Variants in DAB1 observed in about 807,000 individuals in gnomAD.
DAB1 encodes disabled homolog 1.
In DAB1, 15 loss-of-function variants were observed where a neutral mutation model predicts 64.6. That is an observed-to-expected ratio of 0.23 (90% confidence interval 0.16 to 0.36). The LOEUF is 0.36. Ranked by LOEUF, DAB1 falls within the 10% of genes least tolerant of loss-of-function variation. The pLI, the probability that DAB1 is intolerant of heterozygous loss-of-function variation, is 1.00. For missense variants in DAB1, 596 were observed against 706.7 expected, an observed-to-expected ratio of 0.84 and a Z score of 1.78; for synonymous variants, 235 against 251.9, an observed-to-expected ratio of 0.93 and a Z score of 0.64.
intron 5 of DAB1, among the ~76,000 whole-genome samples, chr1:58,140,105 G>T (rs970392414): frequency 2.0e-5 from 3 of 152,080 alleles, no homozygotes; most frequent in African/African-American, 7.2e-5. Context: ...CAAATTGAGT[G>T]TCCTTTTTTC....
intron 4 of DAB1, among the ~76,000 whole-genome samples, chr1:57,096,145 A>C (rs1389621057): frequency 6.6e-6 from 1 of 152,130 alleles, no homozygotes; most frequent in Admixed American, 6.6e-5. Flanking sequence ...CGAAGCTGAG[A>C]GGGGTTGTCC....
intron 1 of DAB1, among the ~76,000 whole-genome samples, chr1:58,528,311 A>G (rs1363225184): frequency 6.6e-6 from 1 of 152,228 alleles, no homozygotes; most frequent in Non-Finnish European, 1.5e-5. Flanking sequence ...GTTAACCCTG[A>G]GCTAATTGTT....
intron 6 of DAB1, among the ~76,000 whole-genome samples, chr1:57,701,800 A>AT (rs1343027729): frequency 6.6e-6 from 1 of 151,780 alleles, no homozygotes; most frequent in Admixed American, 6.6e-5. Flanking sequence ...CCTCTAATAT[A>AT]TTTTTTCAGT....
At chr1:57,942,259 C>G (rs1482899555) in intron 5 of DAB1, among the ~76,000 whole-genome samples, 1 of 152,150 alleles carries the variant, frequency 6.6e-6, no homozygotes, top group Non-Finnish European at 1.5e-5. Flanking sequence ...TCAACCAACA[C>G]TGAGCAGCTG....
intron 1 of DAB1, among the ~76,000 whole-genome samples, chr1:57,389,814 C>A (rs1186440013): frequency 6.6e-6 from 1 of 152,086 alleles, no homozygotes; most frequent in Non-Finnish European, 1.5e-5. Context: ...AATTTAGATA[C>A]CTAACTCCCC....
At chr1:57,055,686 A>G (rs531264057) in intron 9 of DAB1, among the ~76,000 whole-genome samples, 52 of 152,294 alleles carry the variant, frequency 3.4e-4, no homozygotes, top group Non-Finnish European at 6.6e-4. Flanking sequence ...ATCTCTGTTG[A>G]TGGAAGAGTG....
At chr1:57,166,915 C>T (rs12164608) in intron 2 of DAB1, among the ~76,000 whole-genome samples, 1 of 152,148 alleles carries the variant, frequency 6.6e-6, no homozygotes, top group East Asian at 1.9e-4. Context: ...TGTCTGACTC[C>T]AAAGTTCATA....
chr1:57,068,560 AT>A (rs1035185079), intron 8 of DAB1, among the ~76,000 whole-genome samples: 3 of 152,128 alleles, frequency 2.0e-5, no homozygotes, highest in South Asian at 2.1e-4. Flanking sequence ...AATACATCAA[AT>A]TTTTTTTCTT....
intron 5 of DAB1, among the ~76,000 whole-genome samples, chr1:57,923,765 A>G (rs536776308): frequency 3.9e-5 from 6 of 152,322 alleles, no homozygotes; most frequent in African/African-American, 1.4e-4. Context: ...GTTAAGTGTT[A>G]AACACTTCGG....
intron 6 of DAB1, among the ~76,000 whole-genome samples, chr1:57,796,522 G>A (rs977938005): frequency 1.3e-4 from 19 of 148,844 alleles, no homozygotes; most frequent in Admixed American, 9.3e-4. Flanking sequence ...GCAAAACTCC[G>A]TCTCAATAAT....
intron 7 of DAB1, among the ~76,000 whole-genome samples, chr1:57,571,467 T>C (rs937146113): frequency 3.9e-5 from 6 of 152,242 alleles, no homozygotes; most frequent in South Asian, 2.1e-4. Context: ...AACCCAGCAG[T>C]TGAGAAATGG....
chr1:57,010,945 G>T (rs1646248126), intron 13 of DAB1, among the ~76,000 whole-genome samples, 155 bp from the exon 14 acceptor site: 1 of 152,180 alleles, frequency 6.6e-6, no homozygotes, highest in African/African-American at 2.4e-5. Context: ...TGGACTTGTA[G>T]TAACAATTTA....
At chr1:58,013,147 T>C (rs1557609509) in intron 5 of DAB1, among the ~76,000 whole-genome samples, 1 of 152,176 alleles carries the variant, frequency 6.6e-6, no homozygotes, top group East Asian at 1.9e-4. Flanking sequence ...GAGAAACCTT[T>C]GTGGTATTAA....
chr1:58,072,974 A>G (rs984532537), intron 5 of DAB1, among the ~76,000 whole-genome samples: 3 of 152,208 alleles, frequency 2.0e-5, no homozygotes, highest in Non-Finnish European at 2.9e-5. Context: ...GCATAATGAA[A>G]GTAGTTTATA....
chr1:58,455,247 C>T (rs1645182251), intron 3 of DAB1, among the ~76,000 whole-genome samples: 2 of 152,214 alleles, frequency 1.3e-5, no homozygotes, highest in Non-Finnish European at 2.9e-5. Context: ...AGCTTATGCC[C>T]ACTGGGAAAG....
intron 4 of DAB1, among the ~76,000 whole-genome samples, chr1:58,167,137 A>G (rs1655883544): frequency 6.6e-6 from 1 of 151,886 alleles, no homozygotes; most frequent in African/African-American, 2.4e-5. Flanking sequence ...AACAATGTGT[A>G]TTTCAGTTTC....
intron 6 of DAB1, among the ~76,000 whole-genome samples, chr1:57,802,013 C>T (rs978835655): frequency 1.3e-5 from 2 of 152,294 alleles, no homozygotes; most frequent in South Asian, 4.1e-4. Context: ...GGGGTGCACA[C>T]CCTTTTGGCT....
At chr1:57,393,335 G>T (rs2101008151) in intron 1 of DAB1, among the ~76,000 whole-genome samples, 1 of 152,244 alleles carries the variant, frequency 6.6e-6, no homozygotes, top group African/African-American at 2.4e-5. Context: ...TCAGCATAGG[G>T]ATCTGATTCA....
chr1:58,084,283 T>C (rs912853158), intron 5 of DAB1: 1 of 152,160 alleles, frequency 6.6e-6, no homozygotes, highest in African/African-American at 2.4e-5. Context: ...ATTGTCTGTT[T>C]GCTTTAGCAT....
Sources: allele counts gnomAD v4.1 joint callset (sites outside exome capture counted in the v4.1 genomes callset), GRCh38; gene constraint gnomAD v4.1.1; transcripts MANE v1.5; gene names NCBI Gene and HGNC (gene_info 2026-07-23, HGNC 2026-07-21).